The following DOCK8 variants were observed in gnomAD, a reference collection of about 807,000 sequenced individuals.
DOCK8 encodes the protein dedicator of cytokinesis 8.
Under a neutral mutation model 245.6 loss-of-function variants are expected in DOCK8, and 141 were observed. The ratio of observed to expected loss-of-function variants is 0.57; its 90% CI spans 0.50 to 0.66. The LOEUF is 0.66. Ranked by LOEUF, DOCK8 falls within the 30% of genes least tolerant of loss-of-function variation. DOCK8 has a pLI of 0.00. For synonymous variants in DOCK8, 1,168 were observed against 970.2 expected (o/e 1.20, Z -3.79); for missense variants, 2,965 against 2,603.4 (o/e 1.14, Z -3.02).
chr9:218,388 C>T (rs2046810615), intron 1 of DOCK8, among the ~76,000 whole-genome samples: 1 of 152,174 alleles, frequency 6.6e-6, no homozygotes, highest in Non-Finnish European at 1.5e-5. Flanking sequence ...ATCTCACAGT[C>T]TGAGAAGAAA....
At chr9:227,044 A>G (rs375088063) in intron 1 of DOCK8, among the ~76,000 whole-genome samples, 5 of 152,212 alleles carry the variant, frequency 3.3e-5, no homozygotes, top group Non-Finnish European at 1.5e-5. Context: ...ACATACGCCA[A>G]TATGTCATGA....
At chr9:251,045 T>C (rs1376118356) in intron 1 of DOCK8, among the ~76,000 whole-genome samples, 1 of 152,138 alleles carries the variant, frequency 6.6e-6, no homozygotes, top group Non-Finnish European at 1.5e-5. Flanking sequence ...AAGAGGAGTC[T>C]AGGGACAGAC....
Position 229,705 on chromosome 9 carries a change from G to A in DOCK8, c.53+14676G>A, listed in dbSNP as rs73372535. Among the ~76,000 whole-genome samples the A allele has an allele frequency of 5.7e-3, 861 of 152,120 alleles. 9 individuals carry two copies. Among genetic ancestry groups the A allele is most frequent in the African/African-American group, 0.019 (799 of 41,496 alleles). ...TCTGGAATGGGAGAATTAAAAATGA[G>A]TAGAAAAAGAAAATAGAGACAGAGA... On this transcript the variant is annotated intron_variant, in intron 1 of 47. Transcript: ENST00000432829.
Position 400,960 on chromosome 9 carries a change from C to CTCTAGCAATATT in DOCK8, c.3234+1701_3234+1702insTCTAGCAATATT, listed in dbSNP as rs1302216788. On this transcript the variant is annotated intron_variant, in intron 26 of 47. Transcript: ENST00000432829. ...CCACCACCACCATCACCACCACCAC[C>CTCTAGCAATATT]ACCACCTCCTCCACCATCACCACCT... Among the ~76,000 whole-genome samples the CTCTAGCAATATT allele has an allele frequency of 2.0e-4, 14 of 71,192 alleles. 4 individuals carry two copies. In the African/African-American group the frequency reaches 4.1e-3, roughly 21 times the overall value. 46.7% of individuals were successfully genotyped at this position (71,192 alleles called of 152,430 possible). A position where few individuals can be genotyped will look rare whatever the true frequency, so the allele number is the denominator to read the frequency against.
rs1295464134 is a variant in DOCK8 at position 376,235 on chromosome 9, T to C, written c.2135T>C (p.Ile712Thr). The stretch of plus-strand genomic sequence containing the variant: ...AAAGTCCCATTACAGAATCCTCCCA[T>C]TAAGTGGGCTGAAGGACATAAGGGA... ...AEKVPLQNPP[I>T]KWAEGHKGVF... The change falls in exon 19 of 48, where the codon ATT becomes ACT. Residue 712 changes from isoleucine to threonine, a missense_variant. Around this residue, in one of 3 missense-constraint regions of DOCK8, gnomAD observed 2,825 missense variants for 2,453.5 expected, o/e 1.15. Transcript: ENST00000432829. 2 of 1,612,742 alleles carry C rather than the reference T, an allele frequency of 1.2e-6. No homozygotes were observed. Among genetic ancestry groups the C allele is most frequent in the East Asian group, 2.2e-5 (1 of 44,884 alleles).
intron 21 of DOCK8, chr9:381,305 A>C (rs542868502): frequency 3.9e-4 from 59 of 152,240 alleles, no homozygotes; most frequent in African/African-American, 1.4e-3. Context: ...CTAATTTATG[A>C]TTCAGCTGAG....
At chr9:287,649 A>T (rs1262481364) in intron 3 of DOCK8, among the ~76,000 whole-genome samples, 1 of 152,210 alleles carries the variant, frequency 6.6e-6, no homozygotes, top group Non-Finnish European at 1.5e-5. Flanking sequence ...AGGAGAACTG[A>T]CCATATGTGT....
chr9:331,666 A>G (rs2051019873), intron 9 of DOCK8, among the ~76,000 whole-genome samples: 1 of 152,182 alleles, frequency 6.6e-6, no homozygotes, highest in African/African-American at 2.4e-5. Flanking sequence ...TTTCTTTTAA[A>G]TATGGTGCCC....
intron 2 of DOCK8, among the ~76,000 whole-genome samples, chr9:282,180 T>C (rs10967788): frequency 0.43 from 65,949 of 151,936 alleles, 14,668 homozygotes; most frequent in African/African-American, 0.52. Context: ...TAGAGTGCAA[T>C]TCCGTGAGAA....
chr9:419,291 G>T (rs1023842236), intron 30 of DOCK8, among the ~76,000 whole-genome samples: 2 of 152,162 alleles, frequency 1.3e-5, no homozygotes, highest in African/African-American at 2.4e-5. Context: ...AGGATTGGGG[G>T]GACAGTGAGG....
intron 27 of DOCK8, among the ~76,000 whole-genome samples, chr9:405,790 C>T (rs2055388332): frequency 6.6e-6 from 1 of 152,158 alleles, no homozygotes. Context: ...AAAATCTTAG[C>T]CATATATGCC....
At chr9:237,101 C>T (rs1175366318) in intron 1 of DOCK8, among the ~76,000 whole-genome samples, 1 of 152,210 alleles carries the variant, frequency 6.6e-6, no homozygotes, top group Non-Finnish European at 1.5e-5. Context: ...GCCACAAAAG[C>T]CCAGTCACAA....
At chr9:262,671 C>T (rs73372593) in intron 1 of DOCK8, among the ~76,000 whole-genome samples, 11 of 151,482 alleles carry the variant, frequency 7.3e-5, no homozygotes, top group South Asian at 4.2e-4. Context: ...TACCAGGAGA[C>T]GGAGGGTAAA....
Position 374,550 on chromosome 9 carries a change from C to T in DOCK8, c.2110-1660C>T, listed in dbSNP as rs558565668. Among the ~76,000 whole-genome samples, 4 of 134,592 alleles carry T rather than the reference C, an allele frequency of 3.0e-5. No homozygotes were observed. The South Asian group carries it at 1.1e-3, about 35-fold the overall frequency. 88.3% of individuals were successfully genotyped at this position (134,592 alleles called of 152,430 possible). On this transcript the variant is annotated intron_variant, in intron 18 of 47. Transcript: ENST00000432829. ...GATCACAGCTCACTGTAATCTTGAA[C>T]TCATAGGCTCAAGCAGTCGTCTCAC... is the stretch of plus-strand genomic sequence containing the variant.
chr9:258,592 C>CTTTTTT (rs540266063), intron 1 of DOCK8, among the ~76,000 whole-genome samples: 4 of 100,296 alleles, frequency 4.0e-5, no homozygotes, highest in Non-Finnish European at 7.5e-5. Flanking sequence ...TGAAGAGACT[C>CTTTTTT]TTTTTTTTTT....
intron 5 of DOCK8, among the ~76,000 whole-genome samples, chr9:306,368 T>C (rs74828318): frequency 0.033 from 4,956 of 152,236 alleles, 131 homozygotes; most frequent in South Asian, 0.06. Flanking sequence ...CTATGGGAGA[T>C]TTAAGGAATT....
intron 7 of DOCK8, among the ~76,000 whole-genome samples, chr9:323,794 A>C (rs148124186): frequency 9.2e-5 from 14 of 152,218 alleles, no homozygotes; most frequent in African/African-American, 3.1e-4. Flanking sequence ...TCTTTTACTC[A>C]TAATGTCCTC....
rs5895837 is a variant in DOCK8, at chr9:292,387, C to CAAAAAAAA, written c.404+2825_404+2832dup. Among the ~76,000 whole-genome samples, 6 of 63,074 alleles carry CAAAAAAAA rather than the reference C, an allele frequency of 9.5e-5. 1 individual carries two copies. Among genetic ancestry groups the CAAAAAAAA allele is most frequent in the Non-Finnish European group, 1.5e-4 (6 of 38,786 alleles). The allele number at this position is 63,074 out of a possible 152,430, so 41.4% of individuals were successfully genotyped here. A position where few individuals can be genotyped will look rare whatever the true frequency, so the allele number is the denominator to read the frequency against. On this transcript the variant is annotated intron_variant, in intron 4 of 47. Coordinates refer to ENST00000432829, the MANE Select transcript of DOCK8 (RefSeq NM_203447.4). Reference sequence around the variant, plus strand: ...GGGCAACAAGAGTGAAACTCCGTCTCAAAAAAAAAAAAAAAAAAAAAAAAA... The same window carrying CAAAAAAAA: ...GGGCAACAAGAGTGAAACTCCGTCTCAAAAAAAAAAAAAAAAAAAAAAAAAAAAAAAAA...
chr9:371,578 C>A lies in DOCK8; in HGVS notation c.2007+12C>A. 6.2e-7 allele frequency: 1 copy of A among 1,614,118 alleles called. No individual in the cohort carries two copies. The highest frequency in any genetic ancestry group is 8.5e-7 in the Non-Finnish European group (1 of 1,179,988). ...TCCTGGGATATTCAGTGAGTTGTTT[C>A]CAGCCTGCTGACTCACACTGCAGTT... On this transcript the variant is annotated intron_variant, in intron 17 of 47. Coordinates refer to ENST00000432829, the MANE Select transcript of DOCK8 (RefSeq NM_203447.4).
Sources: gnomAD v4.1 joint callset for allele counts (sites outside exome capture counted in the v4.1 genomes callset) on GRCh38, gnomAD v4.1.1 for gene constraint, gnomAD v4.1.1 regional missense constraint, MANE v1.5 for transcripts, NCBI Gene and HGNC (gene_info 2026-07-23, HGNC 2026-07-21) for gene names.